SEZ6L: variants seen among roughly 807,000 people sequenced by gnomAD.
SEZ6L encodes seizure related 6 homolog like.
In SEZ6L, 37 loss-of-function variants were observed where a neutral mutation model predicts 106.2. The ratio of observed to expected loss-of-function variants is 0.35; its 90% CI spans 0.27 to 0.46. The LOEUF (loss-of-function observed/expected upper bound fraction) is 0.46, where lower values mean the gene tolerates loss of function less well. Among genes scored for constraint, SEZ6L ranks in the 20% least tolerant of loss-of-function variants. SEZ6L has a pLI of 1.00. For missense variants in SEZ6L, 1,172 were observed against 1,332.8 expected (o/e 0.88, Z 1.88); for synonymous variants, 541 against 570.4 (o/e 0.95, Z 0.73).
intron 9 of SEZ6L, among the ~76,000 whole-genome samples, chr22:26,337,920 C>T (rs762777850): frequency 1.3e-5 from 2 of 152,118 alleles, no homozygotes; most frequent in Admixed American, 6.5e-5. Flanking sequence ...CAATCCCTGC[C>T]CTCCCAGAAG....
At position 26,350,805 on chromosome 22, in the gene SEZ6L, C is replaced by T. The variant is rs537800789; in HGVS notation, c.2408-247C>T. On this transcript the variant is annotated intron_variant, in intron 11 of 16. Transcript: ENST00000248933. Reference sequence around the variant, plus strand: ...CCGAGTAGCTGGGAGTACAGGCGCCCACCACCAGGCCAGGCTAATTTTTTG... The same window carrying T: ...CCGAGTAGCTGGGAGTACAGGCGCCTACCACCAGGCCAGGCTAATTTTTTG... Among the ~76,000 whole-genome samples the T allele has an allele frequency of 4.6e-5, 7 of 152,044 alleles. No homozygotes were observed. The East Asian group carries it at 1.4e-3, about 30-fold the overall frequency.
At position 26,324,318 on chromosome 22, in the gene SEZ6L, C is replaced by T. The variant is rs114264979; in HGVS notation, c.2015+10416C>T. On this transcript the variant is annotated intron_variant, in intron 9 of 16. Transcript: ENST00000248933. ...CTCTGCAGAGTTCCCAACATTGCTC[C>T]CTGTTTATGAGCCCCAGCACAGTTC... is the stretch of plus-strand genomic sequence containing the variant. Among the ~76,000 whole-genome samples the T allele has an allele frequency of 2.2e-3, 335 of 152,232 alleles. 2 individuals carry two copies. The highest frequency in any genetic ancestry group is 7.8e-3 in the African/African-American group (326 of 41,534).
chr22:26,288,860 C>T (rs1467426790), intron 1 of SEZ6L, among the ~76,000 whole-genome samples: 1 of 152,204 alleles, frequency 6.6e-6, no homozygotes, highest in Non-Finnish European at 1.5e-5. Context: ...TCTCTCTCAT[C>T]CCCACTTATA....
chr22:26,344,614 G>A (rs1183205776), intron 10 of SEZ6L, among the ~76,000 whole-genome samples: 1 of 152,152 alleles, frequency 6.6e-6, no homozygotes, highest in African/African-American at 2.4e-5. Context: ...CATTTCTTTT[G>A]TGCAAAAATT....
At chr22:26,338,378 C>G (rs1455467486) in intron 9 of SEZ6L, among the ~76,000 whole-genome samples, 1 of 152,086 alleles carries the variant, frequency 6.6e-6, no homozygotes, top group South Asian at 2.1e-4. Context: ...GCCTTCTCCC[C>G]ATCATTCATT....
At chr22:26,338,875 T>TTTTTTTC (rs1225229347) in intron 9 of SEZ6L, among the ~76,000 whole-genome samples, 1 of 126,828 alleles carries the variant, frequency 7.9e-6, no homozygotes, top group Non-Finnish European at 1.7e-5. Flanking sequence ...TTCTTTTTTT[T>TTTTTTTC]TTTTTTTTTG....
At chr22:26,378,733 G>A (rs1206720162) in intron 16 of SEZ6L, among the ~76,000 whole-genome samples, 2 of 152,146 alleles carry the variant, frequency 1.3e-5, no homozygotes, top group Non-Finnish European at 2.9e-5. Flanking sequence ...ATGCGAGGAA[G>A]CAAAAGGCTG....
chr22:26,282,295 T>G (rs1333172201), intron 1 of SEZ6L, among the ~76,000 whole-genome samples: 1 of 152,218 alleles, frequency 6.6e-6, no homozygotes, highest in Non-Finnish European at 1.5e-5. Flanking sequence ...GTTTCCAGAT[T>G]TTTGCTACTA....
intron 12 of SEZ6L, among the ~76,000 whole-genome samples, chr22:26,360,396 T>C (rs2083575764): frequency 6.6e-6 from 1 of 152,204 alleles, no homozygotes; most frequent in Non-Finnish European, 1.5e-5. Flanking sequence ...CAGGACTGAA[T>C]TAGTGTTCAG....
chr22:26,227,470 T>A (rs536259188), intron 1 of SEZ6L, among the ~76,000 whole-genome samples: 1 of 152,304 alleles, frequency 6.6e-6, no homozygotes, highest in East Asian at 1.9e-4. Flanking sequence ...GGCAGTGGTG[T>A]GATCATAGCT....
intron 1 of SEZ6L, among the ~76,000 whole-genome samples, chr22:26,205,825 T>C (rs910695573): frequency 6.6e-6 from 1 of 152,168 alleles, no homozygotes; most frequent in Non-Finnish European, 1.5e-5. Context: ...CTTTTTTTTC[T>C]TTTCAAGCAT....
intron 1 of SEZ6L, among the ~76,000 whole-genome samples, chr22:26,181,826 G>A (rs1939417994): frequency 6.6e-6 from 1 of 152,160 alleles, no homozygotes; most frequent in Non-Finnish European, 1.5e-5. Flanking sequence ...AGTATGCAAT[G>A]TATCTTGTCC....
intron 9 of SEZ6L, among the ~76,000 whole-genome samples, chr22:26,336,465 G>GCCAGACAAGCAAAA (rs1405260947): frequency 2.5e-4 from 38 of 152,246 alleles, no homozygotes; most frequent in Non-Finnish European, 5.9e-5. Context: ...GACTTCAAAA[G>GCCAGACAAGCAAAA]GCATTTGTAT....
intron 9 of SEZ6L, among the ~76,000 whole-genome samples, chr22:26,326,815 G>A (rs2082318422): frequency 6.6e-6 from 1 of 152,222 alleles, no homozygotes; most frequent in African/African-American, 2.4e-5. Flanking sequence ...AGGAGGCAGA[G>A]GGGCAGCAGC....
rs567646861 is a variant in SEZ6L, at chr22:26,341,056, T to G, written c.2212+424T>G. 1.7e-4 allele frequency among the ~76,000 whole-genome samples: 26 copies of G among 151,538 alleles called. No individual in the cohort carries two copies. In the South Asian group the frequency reaches 5.2e-3, roughly 30 times the overall value. On this transcript the variant is annotated intron_variant, in intron 10 of 16. Transcript: ENST00000248933. Reference sequence around the variant, plus strand: ...CATACTTCCTAATTTCTTCCCAATTTGTGCAACTTCTCAAACATCGTCTTC... The same window carrying G: ...CATACTTCCTAATTTCTTCCCAATTGGTGCAACTTCTCAAACATCGTCTTC...
At chr22:26,227,947 G>A (rs1249404952) in intron 1 of SEZ6L, among the ~76,000 whole-genome samples, 1 of 152,204 alleles carries the variant, frequency 6.6e-6, no homozygotes, top group Non-Finnish European at 1.5e-5. Flanking sequence ...CCACAGAAGG[G>A]ACACAAGCCC....
intron 7 of SEZ6L, among the ~76,000 whole-genome samples, chr22:26,311,373 G>T (rs2081824323): frequency 6.6e-6 from 1 of 152,180 alleles, no homozygotes; most frequent in Non-Finnish European, 1.5e-5. Flanking sequence ...TTTCATGTAC[G>T]CTGGGGGACT....
At chr22:26,223,041 T>C (rs1296972557) in intron 1 of SEZ6L, among the ~76,000 whole-genome samples, 2 of 152,144 alleles carry the variant, frequency 1.3e-5, no homozygotes, top group African/African-American at 4.8e-5. Context: ...GGTTGAGAAT[T>C]CCTGATCTGT....
intron 12 of SEZ6L, among the ~76,000 whole-genome samples, chr22:26,359,842 A>T (rs1056918857): frequency 6.6e-6 from 1 of 152,106 alleles, no homozygotes; most frequent in African/African-American, 2.4e-5. Context: ...AAGATATAAT[A>T]TCTGTGTCTT....
Sources: allele counts gnomAD v4.1 joint callset (sites outside exome capture counted in the v4.1 genomes callset), GRCh38; gene constraint gnomAD v4.1.1; transcripts MANE v1.5; gene names NCBI Gene and HGNC (gene_info 2026-07-23, HGNC 2026-07-21).